The following MAF variants were observed in gnomAD, a reference collection of about 807,000 sequenced individuals.
MAF encodes MAF bZIP transcription factor.
In MAF, 10 loss-of-function variants were observed where a neutral mutation model predicts 22.0. That is an observed-to-expected ratio of 0.45 (90% CI 0.28 to 0.77). MAF has a LOEUF of 0.77. Ranked by LOEUF, MAF falls within the 30% of genes least tolerant of loss-of-function variation. The pLI is 0.12. For synonymous variants in MAF, 337 were observed against 255.8 expected, an observed-to-expected ratio of 1.32 and a Z score of -3.03; for missense variants, 544 against 548.4, an observed-to-expected ratio of 0.99 and a Z score of 0.08.
chr16:79,515,227 C>A, the MAF span, among the ~76,000 whole-genome samples: 3 of 152,186 alleles, frequency 2.0e-5, no homozygotes, highest in Non-Finnish European at 4.4e-5. Flanking sequence ...CGCTGCTGAC[C>A]CTTACTCCTA....
the MAF span, among the ~76,000 whole-genome samples, chr16:79,415,951 G>A: frequency 1.3e-5 from 2 of 152,028 alleles, no homozygotes; most frequent in African/African-American, 4.8e-5. Flanking sequence ...CCCTCCCTAT[G>A]AAAATCTGAA....
the MAF span, among the ~76,000 whole-genome samples, chr16:79,445,117 T>A: frequency 6.6e-6 from 1 of 151,940 alleles, no homozygotes; most frequent in Non-Finnish European, 1.5e-5. Flanking sequence ...CACTGCAAGC[T>A]CCTCCTCCTG....
the MAF span, chr16:79,212,307 A>C: frequency 1.1e-6 from 1 of 918,684 alleles, no homozygotes; most frequent in African/African-American, 1.7e-5. Context: ...ACTGCTGGGG[A>C]GACAAATCTC....
At chr16:79,236,675 C>T in the MAF span, among the ~76,000 whole-genome samples, 1 of 151,998 alleles carries the variant, frequency 6.6e-6, no homozygotes, top group African/African-American at 2.4e-5. Context: ...GGCCCTGGTC[C>T]CTTTCCTTGT....
chr16:79,223,717 G>C, the MAF span, among the ~76,000 whole-genome samples: 1 of 152,138 alleles, frequency 6.6e-6, no homozygotes, highest in Non-Finnish European at 1.5e-5. Flanking sequence ...TACCATCAGA[G>C]AATACTATAA....
chr16:79,278,542 C>T, the MAF span, among the ~76,000 whole-genome samples: 11 of 152,184 alleles, frequency 7.2e-5, no homozygotes, highest in Non-Finnish European at 1.2e-4. Context: ...AACGAAGAGG[C>T]CCTTGACTTT....
chr16:79,447,645 A>G, the MAF span, among the ~76,000 whole-genome samples: 1 of 152,224 alleles, frequency 6.6e-6, no homozygotes, highest in South Asian at 2.1e-4. Flanking sequence ...TTTGTGATTC[A>G]TGGAGGGAGA....
the MAF span, among the ~76,000 whole-genome samples, chr16:79,294,708 A>G: frequency 6.6e-6 from 1 of 152,230 alleles, no homozygotes; most frequent in African/African-American, 2.4e-5. Flanking sequence ...CATGCTAGAT[A>G]GTGGGAGAAG....
chr16:79,495,228 A>C, the MAF span, among the ~76,000 whole-genome samples: 1 of 152,190 alleles, frequency 6.6e-6, no homozygotes, highest in Non-Finnish European at 1.5e-5. Flanking sequence ...TTGGGAGGCC[A>C]AGGTGAGAGG....
chr16:79,260,176 G>T, the MAF span, among the ~76,000 whole-genome samples: 1 of 152,028 alleles, frequency 6.6e-6, no homozygotes, highest in Non-Finnish European at 1.5e-5. Context: ...TTTGAGACAG[G>T]GTCTCACTCT....
the MAF span, among the ~76,000 whole-genome samples, chr16:79,228,522 C>T: frequency 6.6e-5 from 10 of 152,034 alleles, no homozygotes; most frequent in Non-Finnish European, 1.5e-4. Flanking sequence ...GGATCCATTT[C>T]TGTGGCTGTG....
At chr16:79,272,699 T>C in the MAF span, among the ~76,000 whole-genome samples, 1 of 152,184 alleles carries the variant, frequency 6.6e-6, no homozygotes, top group African/African-American at 2.4e-5. Context: ...TTCATTCATT[T>C]GTCCATTCAT....
At chr16:79,469,687 C>A in the MAF span, among the ~76,000 whole-genome samples, 1 of 152,146 alleles carries the variant, frequency 6.6e-6, no homozygotes, top group Non-Finnish European at 1.5e-5. Flanking sequence ...ACCTCTACCT[C>A]CCAGGTTCAA....
At chr16:79,442,152 T>C in the MAF span, among the ~76,000 whole-genome samples, 1 of 152,216 alleles carries the variant, frequency 6.6e-6, no homozygotes, top group Non-Finnish European at 1.5e-5. Context: ...CAATTTCTGT[T>C]GCTTTAAGCC....
chr16:79,578,872 G>T, the MAF span, among the ~76,000 whole-genome samples: 1 of 152,148 alleles, frequency 6.6e-6, no homozygotes, highest in Non-Finnish European at 1.5e-5. Context: ...AAATTTATTT[G>T]CAGCAAGCAG....
chr16:79,575,061 C>A, the MAF span, among the ~76,000 whole-genome samples: 4 of 150,218 alleles, frequency 2.7e-5, no homozygotes, highest in African/African-American at 7.4e-5. Context: ...TGAGCCCCAA[C>A]GGCCACTAAA....
At chr16:79,523,632 G>A in the MAF span, among the ~76,000 whole-genome samples, 1 of 152,190 alleles carries the variant, frequency 6.6e-6, no homozygotes, top group African/African-American at 2.4e-5. Context: ...TGCAAGGCGA[G>A]ATAAGCTGAT....
At chr16:79,243,684 G>A in the MAF span, among the ~76,000 whole-genome samples, 1 of 151,956 alleles carries the variant, frequency 6.6e-6, no homozygotes, top group Non-Finnish European at 1.5e-5. Flanking sequence ...TCAAACAACA[G>A]AAAAACAGGG....
chr16:79,366,334 C>A, the MAF span, among the ~76,000 whole-genome samples: 3 of 152,214 alleles, frequency 2.0e-5, no homozygotes, highest in African/African-American at 7.2e-5. Context: ...AGAGTATAGG[C>A]AGGGTTAGAG....
Sources: gnomAD v4.1 joint callset for allele counts (sites outside exome capture counted in the v4.1 genomes callset) on GRCh38, gnomAD v4.1.1 for gene constraint, MANE v1.5 for transcripts, NCBI Gene and HGNC (gene_info 2026-07-23, HGNC 2026-07-21) for gene names.